The following SEL1L2 variants were observed in gnomAD, a reference collection of about 807,000 sequenced individuals.
The protein encoded by SEL1L2 is protein sel-1 homolog 2.
A neutral mutation model predicts 98.8 loss-of-function variants in SEL1L2; 89 were observed. The observed-to-expected ratio is 0.90, with a 90% CI of 0.76 to 1.07. The LOEUF (loss-of-function observed/expected upper bound fraction) is 1.07, where lower values mean the gene tolerates loss of function less well. Among genes scored for constraint, SEL1L2 ranks in the 50% least tolerant of loss-of-function variants. The probability of loss-of-function intolerance (pLI) is 0.00; values close to 1 mark genes in which losing one functional copy is unlikely to be tolerated. For missense variants in SEL1L2, 788 were observed against 812.0 expected, an observed-to-expected ratio of 0.97 and a Z score of 0.36; for synonymous variants, 262 against 278.5, an observed-to-expected ratio of 0.94 and a Z score of 0.59.
At chr20:13,861,046 C>T (rs756253632) in intron 17 of SEL1L2, among the ~76,000 whole-genome samples, 18 of 152,180 alleles carry the variant, frequency 1.2e-4, no homozygotes, top group African/African-American at 3.9e-4. Flanking sequence ...CTCTAAAACA[C>T]GCTTAACTCC....
intron 19 of SEL1L2, 55 bp downstream of exon 19, chr20:13,850,136 A>T (rs919296708): frequency 1.9e-6 from 3 of 1,604,962 alleles, no homozygotes; most frequent in Non-Finnish European, 2.6e-6. Context: ...TTTGTCCCTA[A>T]GAGTTGCTCA....
chr20:13,975,696 A>G (rs1204013281), intron 1 of SEL1L2, among the ~76,000 whole-genome samples: 2 of 152,212 alleles, frequency 1.3e-5, no homozygotes, highest in African/African-American at 4.8e-5. Flanking sequence ...ACAATGAGCT[A>G]AAGGAGATCT....
At chr20:13,859,602 A>G (rs1989757442) in intron 17 of SEL1L2, among the ~76,000 whole-genome samples, 168 bp from the exon 18 acceptor site, 2 of 152,254 alleles carry the variant, frequency 1.3e-5, no homozygotes, top group Admixed American at 6.5e-5. Flanking sequence ...GGAATTAGAT[A>G]TACTTTATGG....
At chr20:13,924,107 T>C (rs910393861) in intron 3 of SEL1L2, among the ~76,000 whole-genome samples, 2 of 152,218 alleles carry the variant, frequency 1.3e-5, no homozygotes, top group Non-Finnish European at 2.9e-5. Context: ...CTATTTTGTC[T>C]GAAGTTAATA....
chr20:13,928,804 G>A (rs1884559), intron 3 of SEL1L2, among the ~76,000 whole-genome samples: 138,304 of 152,298 alleles, frequency 0.91, 62,925 homozygotes, highest in East Asian at 1. Context: ...AATGTAAAAT[G>A]CGCACAGTGA....
chr20:13,949,388 G>A (rs2050157562), intron 2 of SEL1L2, among the ~76,000 whole-genome samples: 1 of 152,198 alleles, frequency 6.6e-6, no homozygotes, highest in Non-Finnish European at 1.5e-5. Flanking sequence ...CAACAGGCCG[G>A]GCGCGGTGGC....
intron 12 of SEL1L2, among the ~76,000 whole-genome samples, chr20:13,872,383 G>A (rs947204163): frequency 6.6e-6 from 1 of 152,144 alleles, no homozygotes; most frequent in Non-Finnish European, 1.5e-5. Context: ...GTTCTCATGC[G>A]ATCTGATGGC....
chr20:13,907,299 T>A (rs1456840499), intron 5 of SEL1L2, among the ~76,000 whole-genome samples: 2 of 152,166 alleles, frequency 1.3e-5, no homozygotes, highest in Non-Finnish European at 2.9e-5. Context: ...AATAGGTGGC[T>A]CATGCCTGTG....
At chr20:13,911,299 T>A (rs910169162) in intron 5 of SEL1L2, among the ~76,000 whole-genome samples, 6 of 152,238 alleles carry the variant, frequency 3.9e-5, no homozygotes, top group African/African-American at 1.2e-4. Context: ...CAAGAAACAA[T>A]TGTTGACTTA....
At chr20:13,950,551 G>A (rs2050214607) in intron 2 of SEL1L2, among the ~76,000 whole-genome samples, 1 of 152,178 alleles carries the variant, frequency 6.6e-6, no homozygotes, top group South Asian at 2.1e-4. Flanking sequence ...AAAGATATCA[G>A]TGGCCATCAG....
At chr20:13,970,725 G>C (rs989417697) in intron 1 of SEL1L2, among the ~76,000 whole-genome samples, 2 of 151,938 alleles carry the variant, frequency 1.3e-5, no homozygotes, top group East Asian at 3.9e-4. Context: ...CCAGCTACTC[G>C]GGAGGCTGAG....
At chr20:13,978,813 T>C (rs1004548571) in intron 1 of SEL1L2, among the ~76,000 whole-genome samples, 3 of 152,126 alleles carry the variant, frequency 2.0e-5, no homozygotes, top group Admixed American at 1.3e-4. Context: ...TCCCAACACT[T>C]TGGGAGAGGC....
Position 13,954,890 on chromosome 20 carries a change from T to C in SEL1L2, c.114+1186A>G, listed in dbSNP as rs145716725. Among the ~76,000 whole-genome samples the C allele has an allele frequency of 5.3e-3, 814 of 152,344 alleles. 16 individuals are homozygous for C. Among genetic ancestry groups the C allele is most frequent in the African/African-American group, 0.019 (772 of 41,578 alleles). On this transcript the variant is annotated intron_variant, in intron 2 of 19. Transcript: ENST00000284951. The stretch of plus-strand genomic sequence containing the variant: ...AACTGAGATTTAGGTGAAGCTCACA[T>C]CTATTTCTGCTAATAACAATCCCAC...
intron 5 of SEL1L2, among the ~76,000 whole-genome samples, chr20:13,895,315 T>C (rs1470250036): frequency 6.6e-6 from 1 of 151,886 alleles, no homozygotes; most frequent in Non-Finnish European, 1.5e-5. Flanking sequence ...TGGTGGTGCA[T>C]GCCTGTATTC....
chr20:13,995,274 A>AGCCCCCTCGCTCCCTGGCTCC (rs1195781616), upstream of SEL1L2: 77 of 230,590 alleles, frequency 3.3e-4, no homozygotes, highest in Admixed American at 4.7e-4. This position sits in a 1 kb window ranked among gnomAD's most constrained non-coding sequence, Gnocchi z 4.3. Context: ...GGACAGCTCC[A>AGCCCCCTCGCTCCCTGGCTCC]GCCCCCTCGC....
At chr20:13,868,733 G>A (rs573462232) in intron 14 of SEL1L2, among the ~76,000 whole-genome samples, 6 of 150,832 alleles carry the variant, frequency 4.0e-5, no homozygotes, top group African/African-American at 9.8e-5. Context: ...TCAGCCTCCC[G>A]AGTAGCTGGG....
At chr20:13,991,995 G>A (rs2052551578), upstream of SEL1L2, among the ~76,000 whole-genome samples, 1 of 152,016 alleles carries the variant, frequency 6.6e-6, no homozygotes, top group African/African-American at 2.4e-5. Context: ...GCGACAGAGT[G>A]AGACTCCATC....
chr20:13,924,434 T>C (rs2048793814), intron 3 of SEL1L2, among the ~76,000 whole-genome samples: 1 of 152,034 alleles, frequency 6.6e-6, no homozygotes, highest in Non-Finnish European at 1.5e-5. Flanking sequence ...CTTTTTCTTT[T>C]TTTTTTTAAG....
chr20:13,869,456 A>C (rs2046079516), intron 14 of SEL1L2, 47 bp downstream of exon 14: 3 of 1,322,056 alleles, frequency 2.3e-6, no homozygotes, highest in Non-Finnish European at 2.2e-6. Context: ...CAGACTTAAT[A>C]ATGCATATGT....
Sources: gnomAD v4.1 joint callset for allele counts (sites outside exome capture counted in the v4.1 genomes callset) on GRCh38, gnomAD v4.1.1 for gene constraint, Gnocchi (gnomAD v3.1) non-coding constraint, MANE v1.5 for transcripts, NCBI Gene and HGNC (gene_info 2026-07-23, HGNC 2026-07-21) for gene names.